The following NUMA1 variants were observed in gnomAD, a reference collection of about 807,000 sequenced individuals.
The protein encoded by NUMA1 is SP-H antigen.
NUMA1 carries 62 observed loss-of-function variants against 237.1 expected under a neutral mutation model. The observed-to-expected ratio is 0.26, with a 90% CI of 0.21 to 0.32. The LOEUF (loss-of-function observed/expected upper bound fraction) is 0.32. Ranked by LOEUF, NUMA1 falls within the 10% of genes least tolerant of loss-of-function variation. The probability of loss-of-function intolerance (pLI) is 1.00; values close to 1 mark genes in which losing one functional copy is unlikely to be tolerated. For missense variants in NUMA1, 2,533 were observed against 2,666.5 expected (o/e 0.95, Z 1.10); for synonymous variants, 1,028 against 1,066.1 (o/e 0.96, Z 0.70).
At chr11:72,012,680 G>A (rs1334162109) in intron 15 of NUMA1, among the ~76,000 whole-genome samples, 5 of 152,162 alleles carry the variant, frequency 3.3e-5, no homozygotes, top group African/African-American at 1.2e-4. Context: ...TAGTGACAGA[G>A]CCTTCAGGGG....
rs554883932 is a variant in NUMA1 at position 72,051,484 on chromosome 11, T to TC, written c.-32-15510_-32-15509insG. 1.4e-4 allele frequency among the ~76,000 whole-genome samples: 21 copies of TC among 151,754 alleles called. No individual in the cohort carries two copies. The South Asian group carries it at 4.2e-3, about 30-fold the overall frequency. On this transcript the variant is annotated intron_variant, in intron 2 of 26. Transcript: ENST00000393695. Reference sequence around the variant, plus strand: ...AGGAATTCAAAGATTTTTTTTTTTTTTTTTGAGACAAGGTCTCACTCTGCT... The same window carrying TC: ...AGGAATTCAAAGATTTTTTTTTTTTTCTTTTGAGACAAGGTCTCACTCTGCT...
rs180961217 is a variant in NUMA1, at chr11:72,037,453, C to T, written c.-32-1478G>A. ...CCCGGGAGGCGGAGCTTGCAGTGAGCCGAGATCGCACCACTGCACTCCAGT... is the reference window on the plus strand; with the variant it reads ...CCCGGGAGGCGGAGCTTGCAGTGAGTCGAGATCGCACCACTGCACTCCAGT... On this transcript the variant is annotated intron_variant, in intron 2 of 26. Coordinates refer to ENST00000393695, the MANE Select transcript of NUMA1 (RefSeq NM_006185.4). Among the ~76,000 whole-genome samples, 28 of 152,170 alleles carry T rather than the reference C, an allele frequency of 1.8e-4. No homozygotes were observed. In the East Asian group the frequency reaches 3.5e-3, roughly 19 times the overall value.
intron 1 of NUMA1, among the ~76,000 whole-genome samples, chr11:72,075,151 T>A (rs111632543): frequency 6.6e-6 from 1 of 152,204 alleles, no homozygotes; most frequent in Non-Finnish European, 1.5e-5. Context: ...CAGAAAAATA[T>A]AATAAACATC....
intron 3 of NUMA1, among the ~76,000 whole-genome samples, chr11:72,031,562 A>G (rs1940313977): frequency 6.6e-6 from 1 of 152,146 alleles, no homozygotes. Context: ...GGGGAGGCTG[A>G]GGTGGAAGGA....
chr11:72,054,129 G>C (rs1942509303), intron 2 of NUMA1, among the ~76,000 whole-genome samples: 1 of 152,058 alleles, frequency 6.6e-6, no homozygotes, highest in Admixed American at 6.6e-5. Flanking sequence ...TTCCTAGCTT[G>C]AGTGAACAAA....
Position 72,028,450 on chromosome 11 carries a change from TAAAA to T in NUMA1, c.128+751_128+754del, listed in dbSNP as rs11300189. ...GCAAACAATCTAATGTGCTTTTTCT[TAAAA>T]AAAAAAAAAAAAAAAAAAAAAAAAG... On this transcript the variant is annotated intron_variant, in intron 4 of 26. Transcript: ENST00000393695. Among the ~76,000 whole-genome samples, 402 of 75,400 alleles carry T rather than the reference TAAAA, an allele frequency of 5.3e-3. 2 individuals are homozygous for T. Among genetic ancestry groups the T allele is most frequent in the African/African-American group, 0.022 (383 of 17,474 alleles). The allele number at this position is 75,400 out of a possible 152,430, so 49.5% of individuals were successfully genotyped here. A position where few individuals can be genotyped will look rare whatever the true frequency, so the allele number is the denominator to read the frequency against.
At chr11:72,048,700 C>CA (rs1308172392) in intron 2 of NUMA1, among the ~76,000 whole-genome samples, 2 of 152,224 alleles carry the variant, frequency 1.3e-5, no homozygotes, top group African/African-American at 4.8e-5. Flanking sequence ...TCAAAATAAT[C>CA]AAACAGCTCC....
rs1391238301 is a variant in NUMA1 at position 72,018,836 on chromosome 11, G to A, written c.729C>T (p.Leu243=). Residue 243 remains leucine (L), a synonymous_variant, in exon 10 of 27, where the codon CTC becomes CTT. Transcript: ENST00000393695. ...LELELAENRK[L]LTEKDAQIAM... is the part of the protein sequence containing the mutation. ...CCAGCCACCTACCCTTCTCGGTGAG[G>A]AGCTTGCGGTTCTCAGCTAGCTCCA... 3.7e-6 allele frequency: 6 copies of A among 1,609,954 alleles called. No individual in the cohort carries two copies. The East Asian group carries it at 1.3e-4, about 36-fold the overall frequency.
chr11:72,031,726 A>G (rs994626321), intron 3 of NUMA1, among the ~76,000 whole-genome samples: 9 of 152,118 alleles, frequency 5.9e-5, no homozygotes, highest in African/African-American at 1.9e-4. Flanking sequence ...ACGTGGGAAG[A>G]TCGCTTGAGC....
chr11:72,016,327 G>T (rs1937739816), intron 14 of NUMA1, 67 bp from the exon 15 acceptor site: 1 of 1,587,088 alleles, frequency 6.3e-7, no homozygotes, highest in Non-Finnish European at 8.6e-7. Context: ...CTCTGGAAAT[G>T]GAGGAACACC....
intron 3 of NUMA1, among the ~76,000 whole-genome samples, chr11:72,035,596 C>T (rs1940924863): frequency 6.6e-6 from 1 of 151,390 alleles, no homozygotes; most frequent in Admixed American, 6.6e-5. Flanking sequence ...TTAGTAGAGA[C>T]GGGGGGGTTT....
chr11:72,003,916 T>G lies in NUMA1; in HGVS notation c.6307A>C (p.Ile2103Leu). ...TTASAATAAAIGATPRAKGKA... is the reference protein window; with the variant it reads ...TTASAATAAALGATPRAKGKA... ...CCCTTGGCTCGAGGGGTGGCACCAA[T>G]GGCGGCAGCAGTGGCGGCGCTGGCT... The change falls in exon 26 of 27, where the codon ATT becomes CTT. Residue 2103 changes from isoleucine to leucine, a missense_variant. Ile to Leu is a conservative substitution (Grantham distance 5, BLOSUM62 2). This residue lies in a region of NUMA1 where 795 missense variants were observed against 750.8 expected (regional missense o/e 1.06). Coordinates refer to ENST00000393695, the MANE Select transcript of NUMA1 (RefSeq NM_006185.4). 1 of 1,613,204 alleles carries G rather than the reference T, an allele frequency of 6.2e-7. No individual in the cohort carries two copies. The highest frequency in any genetic ancestry group is 8.5e-7 in the Non-Finnish European group (1 of 1,179,726).
At chr11:72,025,315 G>C (rs1159156983) in intron 4 of NUMA1, among the ~76,000 whole-genome samples, 1 of 152,124 alleles carries the variant, frequency 6.6e-6, no homozygotes, top group Non-Finnish European at 1.5e-5. Flanking sequence ...AGGAGGCTGA[G>C]GCAGGAGAAC....
At chr11:72,042,048 CGA>C (rs1277502517) in intron 2 of NUMA1, 1 of 152,276 alleles carries the variant, frequency 6.6e-6, no homozygotes, top group African/African-American at 2.4e-5. Flanking sequence ...GGCCAAGGCA[CGA>C]GACCGAGTAC....
intron 2 of NUMA1, among the ~76,000 whole-genome samples, chr11:72,037,883 G>A (rs1941228226): frequency 6.6e-6 from 1 of 152,150 alleles, no homozygotes; most frequent in Admixed American, 6.5e-5. Flanking sequence ...CCCTATCCAT[G>A]GGCAAGATTA....
chr11:72,004,217 A>T lies in NUMA1; in HGVS notation c.6123+8T>A, dbSNP rs776791329. On this transcript the variant is annotated splice_region_variant and intron_variant, in intron 25 of 26. Coordinates refer to ENST00000393695, the MANE Select transcript of NUMA1 (RefSeq NM_006185.4). ...CGTCGCTTCATCCCCCTTCAGCCCCAGCCTCACCTGTTTAGTAGAAGCTGG... is the reference window on the plus strand; with the variant it reads ...CGTCGCTTCATCCCCCTTCAGCCCCTGCCTCACCTGTTTAGTAGAAGCTGG... The T allele has an allele frequency of 6.2e-7, 1 of 1,609,612 alleles. No homozygotes were observed. Among genetic ancestry groups the T allele is most frequent in the South Asian group, 1.1e-5 (1 of 90,792 alleles).
chr11:72,057,737 C>A (rs1942735149), intron 2 of NUMA1, among the ~76,000 whole-genome samples: 1 of 146,754 alleles, frequency 6.8e-6, no homozygotes, highest in Non-Finnish European at 1.5e-5. Flanking sequence ...GAGCGAGACA[C>A]CGTCTCAAAA....
At chr11:72,024,613 T>A in intron 4 of NUMA1, 1 of 479,010 alleles carries the variant, frequency 2.1e-6, no homozygotes, top group Non-Finnish European at 3.8e-6. Flanking sequence ...TTTGCAAACA[T>A]AAAAAAGCTC....
In NUMA1 at chr11:72,009,073, T is replaced by TCAGCTC. The variant is rs1565195486; in HGVS notation, c.4946_4951dup (p.Ala1650_Glu1651insGlyAla). Reference sequence around the variant, plus strand: ...TAGCTCATGGCCCAGCCGTTCAGCTTCAGCTCGCAGCTCTTTGTTTTCCTT... The same window carrying TCAGCTC: ...TAGCTCATGGCCCAGCCGTTCAGCTTCAGCTCCAGCTCGCAGCTCTTTGTTTTCCTT... On this transcript the variant is annotated inframe_insertion, in exon 19 of 27. Transcript: ENST00000393695. The TCAGCTC allele has an allele frequency of 6.2e-7, 1 of 1,613,648 alleles. No homozygotes were observed.
Sources: gnomAD v4.1 joint callset for allele counts (sites outside exome capture counted in the v4.1 genomes callset) on GRCh38, gnomAD v4.1.1 for gene constraint, gnomAD v4.1.1 regional missense constraint, MANE v1.5 for transcripts, NCBI Gene and HGNC (gene_info 2026-07-23, HGNC 2026-07-21) for gene names.